Variants in AUP1 observed in about 807,000 individuals in gnomAD.
AUP1 encodes lipid droplet-regulating VLDL assembly factor AUP1.
Under a neutral mutation model 51.8 loss-of-function variants are expected in AUP1, and 30 were observed. The observed-to-expected ratio is 0.58, with a 90% CI of 0.43 to 0.79. The LOEUF (loss-of-function observed/expected upper bound fraction) is 0.79, where lower values mean the gene tolerates loss of function less well. Among genes scored for constraint, AUP1 ranks in the 30% least tolerant of loss-of-function variants. The probability of loss-of-function intolerance (pLI) is 0.00; values close to 1 mark genes in which losing one functional copy is unlikely to be tolerated. For synonymous variants in AUP1, 227 were observed against 209.0 expected, an observed-to-expected ratio of 1.09 and a Z score of -0.74; for missense variants, 492 against 517.1, an observed-to-expected ratio of 0.95 and a Z score of 0.47.
intron 10 of AUP1, 34 bp from the exon 11 acceptor site, chr2:74,527,093 GTCA>G (rs1395397811): frequency 5.6e-6 from 9 of 1,613,974 alleles, no homozygotes; most frequent in Non-Finnish European, 7.6e-6. Flanking sequence ...GGCTTGCGGA[GTCA>G]TCATCATTAA....
At position 74,528,312 on chromosome 2, in the gene AUP1, C is replaced by T; in HGVS notation, c.607G>A (p.Asp203Asn). 1 of 1,614,194 alleles carries T rather than the reference C, an allele frequency of 6.2e-7. No homozygotes were observed. The highest frequency in any genetic ancestry group is 8.5e-7 in the Non-Finnish European group (1 of 1,180,024). The change falls in exon 6 of 12, where the codon GAT becomes AAT. Residue 203 changes from aspartate (D) to asparagine (N), a missense_variant. By Grantham distance (23) the Asp-to-Asn change is conservative. Coordinates refer to ENST00000377526, the MANE Select transcript of AUP1 (RefSeq NM_181575.5). ...QRPLVSVTVS[D>N]ASWVSELLWS... ...AGCAGTTCTGAGACCCAGGAGGCAT[C>T]TGACACCGTCTGAGGGGAGGGCATG...
intron 4 of AUP1, 66 bp downstream of exon 4, chr2:74,528,685 A>G: frequency 6.6e-7 from 1 of 1,526,016 alleles, no homozygotes; most frequent in Non-Finnish European, 8.8e-7. Context: ...GAAAGTTGTA[A>G]AAACTCAAGG....
At chr2:74,527,178 G>A (rs1432560791) in intron 10 of AUP1, 70 bp downstream of exon 10, 2 of 1,599,266 alleles carry the variant, frequency 1.3e-6, no homozygotes, top group Non-Finnish European at 1.7e-6. Context: ...GAAAGGTCAG[G>A]GATAAGGGAG....
Position 74,527,237 on chromosome 2 carries a change from C to T in AUP1, c.1077+11G>A. On this transcript the variant is annotated intron_variant, in intron 10 of 11. Coordinates refer to ENST00000377526, the MANE Select transcript of AUP1 (RefSeq NM_181575.5). ...CCCAACACTTGGATCTGACCATTTC[C>T]TGGGTCTCACCTTGGAGGCAGAGGC... The T allele has an allele frequency of 1.2e-6, 2 of 1,612,074 alleles. No individual in the cohort carries two copies. Among genetic ancestry groups the T allele is most frequent in the Non-Finnish European group, 1.7e-6 (2 of 1,178,842 alleles).
Position 74,527,573 on chromosome 2 carries a change from G to C in AUP1, c.859C>G (p.Pro287Ala), listed in dbSNP as rs762964514. The C allele has an allele frequency of 1.2e-6, 2 of 1,609,376 alleles. No individual in the cohort carries two copies. The highest frequency in any genetic ancestry group is 2.7e-5 in the African/African-American group (2 of 74,320). Residue 287 changes from proline (P) to alanine (A), a missense_variant, in exon 9 of 12, where the codon CCC (proline) becomes GCC (alanine). By Grantham distance (27) the Pro-to-Ala change is conservative. Coordinates refer to ENST00000377526, the MANE Select transcript of AUP1 (RefSeq NM_181575.5). ...RPQSAQSSFP[P>A]SPGPSPDVQL... Reference sequence around the variant, plus strand: ...ACATCAGGAGAAGGACCAGGGGAGGGAGGGAAAGAAGACTGGGCTGTGGAA... The same window carrying C: ...ACATCAGGAGAAGGACCAGGGGAGGCAGGGAAAGAAGACTGGGCTGTGGAA...
rs1243462948 is a variant in AUP1 at position 74,527,626 on chromosome 2, G to C, written c.842-36C>G. ...AGGAAAAAAAGAAAAAAGAAATTCT[G>C]GTAAGTAGAGAACTAGAAGGAGAGG... is the stretch of plus-strand genomic sequence containing the variant. On this transcript the variant is annotated intron_variant, in intron 8 of 11. Coordinates refer to ENST00000377526, the MANE Select transcript of AUP1 (RefSeq NM_181575.5). The C allele has an allele frequency of 3.1e-6, 5 of 1,589,816 alleles. No homozygotes were observed. In the South Asian group the frequency reaches 5.8e-5, roughly 18 times the overall value.
In AUP1 at chr2:74,529,657, T is replaced by TCGCCGC. The variant is rs769643480; in HGVS notation, c.-34_-29dup. On this transcript the variant is annotated 5_prime_UTR_variant, in exon 1 of 12. Transcript: ENST00000377526. The stretch of plus-strand genomic sequence containing the variant: ...CTGCTGCTTCAGGAGCGCCCGGCCG[T>TCGCCGC]CGCCGCCGCCGCCATTTTCGCGCCC... The TCGCCGC allele has an allele frequency of 1.7e-5, 26 of 1,545,932 alleles. No individual in the cohort carries two copies. The highest frequency in any genetic ancestry group is 4.1e-5 in the African/African-American group (3 of 73,292).
At chr2:74,529,066 C>G (rs1558607659) in intron 3 of AUP1, 66 bp downstream of exon 3, 2 of 1,611,890 alleles carry the variant, frequency 1.2e-6, no homozygotes, top group Non-Finnish European at 1.7e-6. Context: ...CGAGTGGGGA[C>G]AGGGGGGCCT....
Position 74,529,407 on chromosome 2 carries a change from T to C in AUP1, c.143A>G (p.His48Arg). Reference protein sequence around the residue: ...LLVLRLFLGIHVFLVSCALPD... With the variant: ...LLVLRLFLGIRVFLVSCALPD... ...CAGCGCGCAGCTGACCAGGAAGACG[T>C]GGATCCCGAGAAAGAGGCGCAGGAC... The change falls in exon 2 of 12, where the codon CAC becomes CGC. Residue 48 changes from histidine to arginine, a missense_variant. Physicochemically the swap from His to Arg is conservative, Grantham distance 29 (BLOSUM62 0). Transcript: ENST00000377526. The C allele has an allele frequency of 1.3e-6, 2 of 1,599,940 alleles. No homozygotes were observed. Among genetic ancestry groups the C allele is most frequent in the Non-Finnish European group, 1.7e-6 (2 of 1,172,952 alleles).
In AUP1 at chr2:74,529,597, C is replaced by A; in HGVS notation, c.33G>T (p.Arg11=). 9 of 1,567,116 alleles carry A rather than the reference C, an allele frequency of 5.7e-6. No individual in the cohort carries two copies. The highest frequency in any genetic ancestry group is 1.3e-5 in the African/African-American group (1 of 74,104). The change falls in exon 1 of 12, where the codon CGG becomes CGT. Residue 11 remains arginine (R), a synonymous_variant. Coordinates refer to ENST00000377526, the MANE Select transcript of AUP1 (RefSeq NM_181575.5). Reference sequence around the variant, plus strand: ...TCTCTTACCGGTGCGAGTCAAAGAGCCGCTCCGGCCCCGGCCCTGAGGGAA... The same window carrying A: ...TCTCTTACCGGTGCGAGTCAAAGAGACGCTCCGGCCCCGGCCCTGAGGGAA... MELPSGPGPE[R]LFDSHRLPGD...
In AUP1 at chr2:74,526,687, G is replaced by A; in HGVS notation, c.*113C>T. The A allele has an allele frequency of 1.6e-6, 2 of 1,256,176 alleles. No homozygotes were observed. The highest frequency in any genetic ancestry group is 2.2e-6 in the Non-Finnish European group (2 of 909,342). 77.8% of individuals were successfully genotyped at this position (1,256,176 alleles called of 1,614,324 possible). A position where few individuals can be genotyped will look rare whatever the true frequency, so the allele number is the denominator to read the frequency against. Reference sequence around the variant, plus strand: ...ACCATGAATTTAATGTGACATTGGGGGAGCCTCATCCTTCCCTTTTTACCA... The same window carrying A: ...ACCATGAATTTAATGTGACATTGGGAGAGCCTCATCCTTCCCTTTTTACCA... On this transcript the variant is annotated 3_prime_UTR_variant, in exon 12 of 12. Transcript: ENST00000377526.
At chr2:74,527,387 C>G in intron 9 of AUP1, 24 bp from the exon 10 acceptor site, 1 of 1,611,608 alleles carries the variant, frequency 6.2e-7, no homozygotes, top group African/African-American at 1.3e-5. Context: ...AGAAGGGAGT[C>G]CACTCCCTAC....
chr2:74,529,049 G>T (rs2231250), intron 3 of AUP1, 83 bp downstream of exon 3: 5 of 1,607,576 alleles, frequency 3.1e-6, no homozygotes, highest in South Asian at 2.2e-5. Context: ...ATCCTCCATG[G>T]GGAACGCGAG....
chr2:74,527,062 G>A lies in AUP1; in HGVS notation c.1078-3C>T, dbSNP rs111333202. 3 of 1,614,090 alleles carry A rather than the reference G, an allele frequency of 1.9e-6. No homozygotes were observed. The highest frequency in any genetic ancestry group is 1.7e-6 in the Non-Finnish European group (2 of 1,180,054). ...GTCACCGGGCCAGAGCTGGGAAACT[G>A]AGGTGATCACAATGTCAGAGGGCTT... On this transcript the variant is annotated splice_polypyrimidine_tract_variant and splice_region_variant and intron_variant, in intron 10 of 11. Coordinates refer to ENST00000377526, the MANE Select transcript of AUP1 (RefSeq NM_181575.5).
chr2:74,528,784 G>T lies in AUP1; in HGVS notation c.491C>A (p.Ala164Asp). The part of the protein sequence containing the change: ...TPLLLFPEEE[A>D]TNGREGLLRF... ...CAGGAGCCCCTCCCGGCCATTGGTG[G>T]CCTCTTCCTCAGGGAATAGCAGCAG... Residue 164 changes from alanine to aspartate, a missense_variant, in exon 4 of 12, where the codon GCC becomes GAC. Coordinates refer to ENST00000377526, the MANE Select transcript of AUP1 (RefSeq NM_181575.5). 1.1e-5 allele frequency: 17 copies of T among 1,611,242 alleles called. No individual in the cohort carries two copies. Among genetic ancestry groups the T allele is most frequent in the Non-Finnish European group, 1.4e-5 (16 of 1,178,594 alleles).
At chr2:74,527,705 C>T in intron 8 of AUP1, 31 bp downstream of exon 8, 8 of 1,597,240 alleles carry the variant, frequency 5.0e-6, no homozygotes, top group Non-Finnish European at 6.8e-6. Flanking sequence ...AAAAAAAACC[C>T]CAAAAGCTGT....
chr2:74,527,030 C>T lies in AUP1; in HGVS notation c.1107G>A (p.Gln369=). The T allele has an allele frequency of 6.2e-7, 1 of 1,614,202 alleles. No individual in the cohort carries two copies. ...ACTTGGCAAATGTTAGGGCTGTTGG[C>T]TGAGGGGTCACCGGGCCAGAGCTGG... is the stretch of plus-strand genomic sequence containing the variant. ...KFPSSGPVTP[Q]PTALTFAKSS... is the part of the protein sequence containing the mutation. The change falls in exon 11 of 12, where the codon CAG becomes CAA. Residue 369 remains glutamine, a synonymous_variant. Transcript: ENST00000377526.
In AUP1 at chr2:74,527,470, C is replaced by G; in HGVS notation, c.961+1G>C. ...CAGTGTGGGGCCACCCTTTCCCATA[C>G]CCAGGTCTCTCTGGATGACACCCAA... On this transcript the variant is annotated splice_donor_variant, in intron 9 of 11. Transcript: ENST00000377526. LOFTEE classifies it high-confidence loss of function. 6.2e-7 allele frequency: 1 copy of G among 1,612,214 alleles called. No individual in the cohort carries two copies. The highest frequency in any genetic ancestry group is 8.5e-7 in the Non-Finnish European group (1 of 1,179,204).
In AUP1 at chr2:74,526,680, C is replaced by T; in HGVS notation, c.*120G>A. ...AATGAAAACCATGAATTTAATGTGA[C>T]ATTGGGGGAGCCTCATCCTTCCCTT... On this transcript the variant is annotated 3_prime_UTR_variant, in exon 12 of 12. Transcript: ENST00000377526. 8.3e-7 allele frequency: 1 copy of T among 1,211,882 alleles called. No homozygotes were observed. The highest frequency in any genetic ancestry group is 1.1e-6 in the Non-Finnish European group (1 of 869,686). 75.1% of individuals were successfully genotyped at this position (1,211,882 alleles called of 1,614,324 possible).
Sources: allele counts gnomAD v4.1 joint callset, GRCh38; gene constraint gnomAD v4.1.1; transcripts MANE v1.5; gene names NCBI Gene and HGNC (gene_info 2026-07-23, HGNC 2026-07-21).